Variants in LPIN1 observed in about 807,000 individuals in gnomAD.
The protein encoded by LPIN1 is phosphatidate phosphatase LPIN1.
Under a neutral mutation model 107.5 loss-of-function variants are expected in LPIN1, and 71 were observed. The ratio of observed to expected loss-of-function variants is 0.66; its 90% CI spans 0.55 to 0.80. LPIN1 has a LOEUF of 0.80. LPIN1 is among the 30% of genes least tolerant of loss of function. The probability of loss-of-function intolerance (pLI) is 0.00; values close to 1 mark genes in which losing one functional copy is unlikely to be tolerated. For missense variants in LPIN1, 1,043 were observed against 1,160.6 expected (o/e 0.90, Z 1.47); for synonymous variants, 445 against 452.6 (o/e 0.98, Z 0.21).
At chr2:11,691,607 C>T (rs966772298) in intron 1 of LPIN1, among the ~76,000 whole-genome samples, 1 of 152,156 alleles carries the variant, frequency 6.6e-6, no homozygotes, top group African/African-American at 2.4e-5. Flanking sequence ...GCTGTTGGAG[C>T]CCGGCTATGT....
intron 1 of LPIN1, among the ~76,000 whole-genome samples, chr2:11,688,298 C>T (rs1662105926): frequency 6.6e-6 from 1 of 152,174 alleles, no homozygotes; most frequent in Non-Finnish European, 1.5e-5. Flanking sequence ...CCTCCCTCTC[C>T]CCACAGTCAC....
At chr2:11,759,698 C>G (rs1209677898) in intron 1 of LPIN1, among the ~76,000 whole-genome samples, 2 of 152,208 alleles carry the variant, frequency 1.3e-5, no homozygotes, top group African/African-American at 2.4e-5. Flanking sequence ...CTGTTGGGTA[C>G]ACCTCCCAGA....
chr2:11,784,443 T>A, intron 9 of LPIN1: 7 of 1,111,680 alleles, frequency 6.3e-6, no homozygotes, highest in Non-Finnish European at 7.8e-6. Context: ...AGCACCGGGC[T>A]GCCCTCCCTG....
At chr2:11,812,421 AG>A (rs1044176304) in intron 17 of LPIN1, among the ~76,000 whole-genome samples, 7 of 150,332 alleles carry the variant, frequency 4.7e-5, no homozygotes, top group African/African-American at 1.7e-4. Context: ...GTGAGGAGTG[AG>A]GGGGTGTGTG....
chr2:11,682,512 T>G (rs1006359979), intron 1 of LPIN1: 2 of 152,460 alleles, frequency 1.3e-5, no homozygotes, highest in African/African-American at 4.8e-5. Context: ...CCAGTTCAAA[T>G]GCCTCCATCT....
At chr2:11,704,423 C>T (rs1283708543) in intron 1 of LPIN1, among the ~76,000 whole-genome samples, 3 of 152,176 alleles carry the variant, frequency 2.0e-5, no homozygotes, top group African/African-American at 7.2e-5. Flanking sequence ...AGCACATCAC[C>T]ACCCTGGATT....
At chr2:11,752,471 G>A (rs368281677) in intron 1 of LPIN1, among the ~76,000 whole-genome samples, 1 of 93,058 alleles carries the variant, frequency 1.1e-5, no homozygotes, top group Non-Finnish European at 1.9e-5. Context: ...TCGCTCTGTC[G>A]CCCAGGCTGG....
Position 11,765,706 on chromosome 2 carries a change from G to T in LPIN1, c.165G>T (p.Met55Ile). Residue 55 changes from methionine to isoleucine, a missense_variant, in exon 2 of 21, where the codon ATG becomes ATT. Physicochemically the swap from Met to Ile is conservative, Grantham distance 10. Coordinates refer to ENST00000674199, the MANE Select transcript of LPIN1 (RefSeq NM_001349206.2). The surrounding 1 kb of genome is among the most constrained non-coding windows in gnomAD (Gnocchi z 4.4). ...CSPFHVRFGK[M>I]GVLRSREKVV... is the part of the protein sequence containing the mutation. The stretch of plus-strand genomic sequence containing the variant: ...CTTTCCACGTCCGCTTTGGGAAGAT[G>T]GGGGTCCTGCGCTCCCGAGAGAAAG... The T allele has an allele frequency of 6.2e-7, 1 of 1,612,242 alleles. No homozygotes were observed. Among genetic ancestry groups the T allele is most frequent in the Non-Finnish European group, 8.5e-7 (1 of 1,178,458 alleles).
intron 1 of LPIN1, among the ~76,000 whole-genome samples, chr2:11,679,650 T>C (rs1409608585): frequency 6.6e-6 from 1 of 152,214 alleles, no homozygotes; most frequent in Non-Finnish European, 1.5e-5. Flanking sequence ...ATGGACGGGA[T>C]ACTAAGCCCC....
At chr2:11,710,127 C>T (rs1241023165) in intron 1 of LPIN1, among the ~76,000 whole-genome samples, 1 of 152,164 alleles carries the variant, frequency 6.6e-6, no homozygotes, top group Non-Finnish European at 1.5e-5. Flanking sequence ...GATTATCTTT[C>T]TCCTACCCTT....
chr2:11,759,189 CT>C (rs1183682478), intron 1 of LPIN1, among the ~76,000 whole-genome samples: 49 of 99,968 alleles, frequency 4.9e-4, no homozygotes, highest in African/African-American at 1.7e-3. Flanking sequence ...TTCTTTCTTT[CT>C]TTTCTTTCTT....
intron 14 of LPIN1, among the ~76,000 whole-genome samples, chr2:11,799,431 GC>G (rs398104029): frequency 1.6e-5 from 2 of 122,504 alleles, no homozygotes; most frequent in African/African-American, 7.9e-5. Context: ...GGGGCCTGTA[GC>G]CTCGTTCTTC....
chr2:11,821,746 G>A (rs1681563109), intron 20 of LPIN1, among the ~76,000 whole-genome samples: 1 of 152,184 alleles, frequency 6.6e-6, no homozygotes, highest in African/African-American at 2.4e-5. Flanking sequence ...CAATAGGGCA[G>A]TTCTAGGCTA....
At chr2:11,809,176 A>G (rs1237391388) in intron 17 of LPIN1, among the ~76,000 whole-genome samples, 1 of 147,524 alleles carries the variant, frequency 6.8e-6, no homozygotes, top group Admixed American at 6.7e-5. Flanking sequence ...GTTGCCTAAA[A>G]GATCTAGATC....
chr2:11,810,907 C>T (rs1679538342), intron 17 of LPIN1, among the ~76,000 whole-genome samples: 1 of 152,120 alleles, frequency 6.6e-6, no homozygotes, highest in East Asian at 1.9e-4. Context: ...AGAGATTAGG[C>T]AGAGGAGAAA....
chr2:11,695,216 G>A (rs1333937875), intron 1 of LPIN1, among the ~76,000 whole-genome samples: 4 of 152,188 alleles, frequency 2.6e-5, no homozygotes, highest in African/African-American at 7.2e-5. Context: ...ATGGTGGGCA[G>A]TTCATAAACA....
At position 11,805,123 on chromosome 2, in the gene LPIN1, A is replaced by C. The variant is rs1217266843; in HGVS notation, c.2216A>C (p.Gln739Pro). The change falls in exon 17 of 21, where the codon CAG (glutamine) becomes CCG (proline). Residue 739 changes from glutamine to proline, a missense_variant. Transcript: ENST00000674199. ...ACCCTTGGGAAGGATTGGACCCATC[A>C]GGGCATCGCTAAGCTGTACCATAAA... ...LPTLGKDWTH[Q>P]GIAKLYHKVS... 6.2e-7 allele frequency: 1 copy of C among 1,614,034 alleles called. No individual in the cohort carries two copies. The highest frequency in any genetic ancestry group is 1.7e-5 in the Admixed American group (1 of 60,014).
intron 1 of LPIN1, among the ~76,000 whole-genome samples, chr2:11,688,086 G>C (rs1272669420): frequency 2.0e-5 from 3 of 152,220 alleles, no homozygotes; most frequent in Non-Finnish European, 4.4e-5. Flanking sequence ...CCAGGGAGTT[G>C]AGCCTCTCCA....
chr2:11,749,007 A>G (rs75239171), intron 1 of LPIN1, among the ~76,000 whole-genome samples: 3,619 of 152,156 alleles, frequency 0.024, 136 homozygotes, highest in African/African-American at 0.083. Context: ...CCCTGGAATC[A>G]CCCACTAGCA....
Sources: allele counts gnomAD v4.1 joint callset (sites outside exome capture counted in the v4.1 genomes callset), GRCh38; gene constraint gnomAD v4.1.1; non-coding constraint Gnocchi (gnomAD v3.1); transcripts MANE v1.5; gene names NCBI Gene and HGNC (gene_info 2026-07-23, HGNC 2026-07-21).